PPFIA2: variants seen among roughly 807,000 people sequenced by gnomAD.
PPFIA2 encodes liprin-alpha-2.
In PPFIA2, 46 loss-of-function variants were observed where a neutral mutation model predicts 175.5. The ratio of observed to expected loss-of-function variants is 0.26; its 90% confidence interval spans 0.21 to 0.34. The LOEUF (loss-of-function observed/expected upper bound fraction) is 0.34, where lower values mean the gene tolerates loss of function less well. Ranked by LOEUF, PPFIA2 falls within the 10% of genes least tolerant of loss-of-function variation. The pLI, the probability that PPFIA2 is intolerant of heterozygous loss-of-function variation, is 1.00. For synonymous variants in PPFIA2, 568 were observed against 511.4 expected, an observed-to-expected ratio of 1.11 and a Z score of -1.49; for missense variants, 1,179 against 1,506.1, an observed-to-expected ratio of 0.78 and a Z score of 3.60.
chr12:81,445,208 G>A (rs1439554390), intron 6 of PPFIA2, among the ~76,000 whole-genome samples: 1 of 113,532 alleles, frequency 8.8e-6, no homozygotes, highest in Non-Finnish European at 1.8e-5. Context: ...GACCAAGGTG[G>A]GGGGGGGGGA....
intron 8 of PPFIA2, among the ~76,000 whole-genome samples, chr12:81,387,106 A>G (rs1024397189): frequency 3.3e-5 from 5 of 152,058 alleles, no homozygotes; most frequent in African/African-American, 1.2e-4. Flanking sequence ...CCACTTCACA[A>G]GAAATGAAAG....
At chr12:81,636,591 A>G (rs2064088940) in intron 4 of PPFIA2, among the ~76,000 whole-genome samples, 1 of 150,540 alleles carries the variant, frequency 6.6e-6, no homozygotes, top group Non-Finnish European at 1.5e-5. Context: ...AAAAAAAAAA[A>G]GTAAAGGAAA....
chr12:81,460,278 G>C (rs776816117), intron 4 of PPFIA2, among the ~76,000 whole-genome samples: 1 of 152,140 alleles, frequency 6.6e-6, no homozygotes, highest in East Asian at 1.9e-4. Context: ...AAGGGAAACC[G>C]CTTTCATTTG....
intron 3 of PPFIA2, among the ~76,000 whole-genome samples, chr12:81,739,003 C>G (rs2082001093): frequency 1.3e-5 from 2 of 151,692 alleles, no homozygotes; most frequent in South Asian, 4.1e-4. Context: ...ATAAATGGGT[C>G]ACTTCATGAT....
At chr12:81,269,325 CT>C (rs2038376792) in intron 28 of PPFIA2, among the ~76,000 whole-genome samples, 1 of 152,050 alleles carries the variant, frequency 6.6e-6, no homozygotes, top group Non-Finnish European at 1.5e-5. Flanking sequence ...ACTATAATTA[CT>C]ATTAAAGTAA....
intron 4 of PPFIA2, among the ~76,000 whole-genome samples, chr12:81,669,736 G>C (rs1308974339): frequency 6.6e-6 from 1 of 151,888 alleles, no homozygotes; most frequent in African/African-American, 2.4e-5. Flanking sequence ...GCAATGGCTA[G>C]TGCAGCCTAA....
intron 4 of PPFIA2, among the ~76,000 whole-genome samples, chr12:81,658,640 G>A (rs1255744197): frequency 6.6e-6 from 1 of 151,848 alleles, no homozygotes; most frequent in East Asian, 1.9e-4. Flanking sequence ...ATTTGCTGTA[G>A]AAGAATATAC....
intron 3 of PPFIA2, among the ~76,000 whole-genome samples, chr12:81,695,695 T>G (rs2075817311): frequency 6.6e-6 from 1 of 152,184 alleles, no homozygotes; most frequent in Non-Finnish European, 1.5e-5. Context: ...TGCAAATGAT[T>G]CAGCCTTACT....
chr12:81,493,072 G>C (rs1046398623), intron 4 of PPFIA2, among the ~76,000 whole-genome samples: 3 of 152,026 alleles, frequency 2.0e-5, no homozygotes, highest in African/African-American at 7.2e-5. Context: ...TGGAACATAA[G>C]AAGAGAGATT....
intron 4 of PPFIA2, among the ~76,000 whole-genome samples, chr12:81,463,355 A>C (rs998536230): frequency 6.6e-6 from 1 of 152,168 alleles, no homozygotes; most frequent in Admixed American, 6.6e-5. Flanking sequence ...GAAAGAGCTA[A>C]GTGTGTTAAA....
chr12:81,448,028 A>G (rs2051655964), intron 5 of PPFIA2, among the ~76,000 whole-genome samples: 1 of 152,138 alleles, frequency 6.6e-6, no homozygotes, highest in Admixed American at 6.6e-5. Context: ...TGTAAATTAG[A>G]GTCATCTTGC....
chr12:81,493,665 G>A (rs915474982), intron 4 of PPFIA2, among the ~76,000 whole-genome samples: 5 of 150,510 alleles, frequency 3.3e-5, no homozygotes, highest in African/African-American at 1.2e-4. Context: ...TCACTTTGCT[G>A]TAAAGGAACT....
intron 4 of PPFIA2, among the ~76,000 whole-genome samples, chr12:81,520,613 G>A (rs2063005578): frequency 6.6e-6 from 1 of 151,904 alleles, no homozygotes; most frequent in Non-Finnish European, 1.5e-5. Context: ...TACATGTCAG[G>A]TGCTTTGACA....
intron 4 of PPFIA2, among the ~76,000 whole-genome samples, chr12:81,566,159 T>C (rs1425119382): frequency 2.6e-5 from 4 of 152,102 alleles, no homozygotes; most frequent in Non-Finnish European, 5.9e-5. Flanking sequence ...TTAGAATATA[T>C]CACTCCTCCT....
intron 9 of PPFIA2, among the ~76,000 whole-genome samples, chr12:81,383,785 T>C (rs1489799320): frequency 6.6e-6 from 1 of 152,176 alleles, no homozygotes; most frequent in African/African-American, 2.4e-5. Context: ...TCAGAATGTC[T>C]TTGTTATATC....
intron 2 of PPFIA2, among the ~76,000 whole-genome samples, chr12:81,758,089 C>T (rs2464756): frequency 0.83 from 126,706 of 152,036 alleles, 54,415 homozygotes; most frequent in Middle Eastern, 0.96. Flanking sequence ...AGTGCATTTA[C>T]GGACAGCCAG....
chr12:81,619,309 C>T (rs544096905), intron 4 of PPFIA2, among the ~76,000 whole-genome samples: 2 of 152,158 alleles, frequency 1.3e-5, no homozygotes, highest in Admixed American at 6.5e-5. Flanking sequence ...TAATCATACA[C>T]GTTAGATATG....
chr12:81,563,102 GTTC>G (rs1227717987), intron 4 of PPFIA2, among the ~76,000 whole-genome samples: 4 of 151,782 alleles, frequency 2.6e-5, no homozygotes, highest in Non-Finnish European at 5.9e-5. Context: ...CTATATATAT[GTTC>G]TTCTTGTTTT....
chr12:81,396,977 G>A (rs2041243305), intron 8 of PPFIA2, among the ~76,000 whole-genome samples: 1 of 152,018 alleles, frequency 6.6e-6, no homozygotes, highest in Non-Finnish European at 1.5e-5. Context: ...TTTAGCTTGA[G>A]CAACTGGAAA....
Sources: gnomAD v4.1 joint callset for allele counts (sites outside exome capture counted in the v4.1 genomes callset) on GRCh38, gnomAD v4.1.1 for gene constraint, MANE v1.5 for transcripts, NCBI Gene and HGNC (gene_info 2026-07-23, HGNC 2026-07-21) for gene names.